The following DNAL4 variants were observed in gnomAD, a reference collection of about 807,000 sequenced individuals.
DNAL4 encodes the protein dynein axonemal light chain 4, also known as dynein light chain, outer arm 4.
DNAL4 carries 10 observed loss-of-function variants against 12.6 expected under a neutral mutation model. That is an observed-to-expected ratio of 0.79 (90% CI 0.49 to 1.34). The LOEUF is 1.34. Ranked by LOEUF, DNAL4 falls within the 40% of genes most tolerant of loss-of-function variation. DNAL4 has a pLI of 0.00. For missense variants in DNAL4, 128 were observed against 138.1 expected, an observed-to-expected ratio of 0.93 and a Z score of 0.37; for synonymous variants, 46 against 53.1, an observed-to-expected ratio of 0.87 and a Z score of 0.58.
intron 1 of DNAL4, among the ~76,000 whole-genome samples, chr22:38,784,776 G>T (rs2093039691): frequency 6.6e-6 from 1 of 152,178 alleles, no homozygotes; most frequent in African/African-American, 2.4e-5. Flanking sequence ...GCCTCCGAAA[G>T]TGCTGGGATT....
chr22:38,785,040 T>C (rs1235621932), intron 1 of DNAL4, among the ~76,000 whole-genome samples: 1 of 147,548 alleles, frequency 6.8e-6, no homozygotes, highest in Non-Finnish European at 1.5e-5. Flanking sequence ...GCTCCACTTA[T>C]CTCATCAATT....
intron 1 of DNAL4, among the ~76,000 whole-genome samples, chr22:38,790,089 G>A (rs2093048299): frequency 6.6e-6 from 1 of 152,106 alleles, no homozygotes; most frequent in South Asian, 2.1e-4. Flanking sequence ...CTGGACTCAA[G>A]TGATGCTCCC....
At position 38,779,526 on chromosome 22, in the gene DNAL4, T is replaced by G; in HGVS notation, c.241A>C (p.Ile81Leu). ...VVIGEGFGFE[I>L]THEVKNLLYL... is the part of the protein sequence containing the mutation. ...AGGAGGTTCTTCACCTCGTGGGTGA[T>G]CTCAAACCCAAAGCCCTCGCCGATC... Residue 81 changes from isoleucine to leucine, a missense_variant, in exon 4 of 4, where the codon ATC becomes CTC. Ile to Leu is a conservative substitution (Grantham distance 5). Coordinates refer to ENST00000216068, the MANE Select transcript of DNAL4 (RefSeq NM_005740.3). The surrounding 1 kb of genome is among the most constrained non-coding windows in gnomAD (Gnocchi z 4.3). The G allele has an allele frequency of 6.3e-7, 1 of 1,585,124 alleles. No homozygotes were observed. Among genetic ancestry groups the G allele is most frequent in the South Asian group, 1.1e-5 (1 of 87,058 alleles).
intron 3 of DNAL4, chr22:38,780,694 G>A (rs756670878): frequency 9.6e-5 from 49 of 512,252 alleles, no homozygotes; most frequent in South Asian, 7.1e-4. Context: ...GGGCAGGGGC[G>A]TCATGGAGAC....
chr22:38,787,791 G>A (rs1290516256), intron 1 of DNAL4, among the ~76,000 whole-genome samples: 1 of 152,188 alleles, frequency 6.6e-6, no homozygotes, highest in Non-Finnish European at 1.5e-5. Context: ...TGGCTATGGT[G>A]TGCCTTCACA....
chr22:38,793,430 G>A lies in DNAL4; in HGVS notation c.-140+638C>T, dbSNP rs201083499. Reference sequence around the variant, plus strand: ...TTTTACATATGCACTGATTAAAAGCGCAGGGAGGGTAGGTCTTGAGACTGG... The same window carrying A: ...TTTTACATATGCACTGATTAAAAGCACAGGGAGGGTAGGTCTTGAGACTGG... On this transcript the variant is annotated intron_variant, in intron 1 of 3. Transcript: ENST00000216068. Among the ~76,000 whole-genome samples, 84 of 152,320 alleles carry A rather than the reference G, an allele frequency of 5.5e-4. 2 individuals are homozygous for A. The South Asian group carries it at 0.017, about 30-fold the overall frequency.
chr22:38,780,712 G>A, intron 3 of DNAL4: 2 of 545,288 alleles, frequency 3.7e-6, no homozygotes, highest in South Asian at 4.5e-5. Flanking sequence ...GACCCCTGTG[G>A]CTTTGCTCCT....
chr22:38,792,435 A>G (rs2093052271), intron 1 of DNAL4, among the ~76,000 whole-genome samples: 1 of 152,126 alleles, frequency 6.6e-6, no homozygotes, highest in African/African-American at 2.4e-5. Context: ...GGTGCCCGCT[A>G]CCACGTCTGG....
Position 38,779,873 on chromosome 22 carries a change from T to C in DNAL4, c.154-260A>G, listed in dbSNP as rs2093031635. On this transcript the variant is annotated intron_variant, in intron 3 of 3. Coordinates refer to ENST00000216068, the MANE Select transcript of DNAL4 (RefSeq NM_005740.3). The surrounding 1 kb of genome is among the most constrained non-coding windows in gnomAD (Gnocchi z 4.3). ...GAGGCGGGAAGGCAAGCATCAGGTC[T>C]GGAGATAGCCTGGGGCTGCGTCCTG... Among the ~76,000 whole-genome samples, 1 of 152,188 alleles carries C rather than the reference T, an allele frequency of 6.6e-6. No individual in the cohort carries two copies. The highest frequency in any genetic ancestry group is 2.1e-4 in the South Asian group (1 of 4,828).
intron 1 of DNAL4, among the ~76,000 whole-genome samples, chr22:38,783,748 C>T (rs2093038021): frequency 6.6e-6 from 1 of 152,176 alleles, no homozygotes; most frequent in Non-Finnish European, 1.5e-5. Flanking sequence ...GGTACAGTCA[C>T]ATCCATCTCA....
Position 38,779,753 on chromosome 22 carries a change from T to G in DNAL4, c.154-140A>C. On this transcript the variant is annotated intron_variant, in intron 3 of 3. Coordinates refer to ENST00000216068, the MANE Select transcript of DNAL4 (RefSeq NM_005740.3). This position sits in a 1 kb window ranked among gnomAD's most constrained non-coding sequence, Gnocchi z 4.3. ...TGTCCTATTTCTCTTGTCCTCCTGC[T>G]TCAAAAAGGGTTTCCACGCAGGCCA... 8.5e-7 allele frequency: 1 copy of G among 1,178,626 alleles called. No homozygotes were observed. The highest frequency in any genetic ancestry group is 1.2e-6 in the Non-Finnish European group (1 of 859,210). The allele number at this position is 1,178,626 out of a possible 1,614,324, so 73.0% of individuals were successfully genotyped here.
chr22:38,786,460 G>C (rs2093042367), intron 1 of DNAL4, among the ~76,000 whole-genome samples: 1 of 152,222 alleles, frequency 6.6e-6, no homozygotes, highest in Non-Finnish European at 1.5e-5. Flanking sequence ...TGGGGAGGCT[G>C]AGGCAGGAGA....
intron 1 of DNAL4, among the ~76,000 whole-genome samples, chr22:38,785,144 G>C (rs1041766939): frequency 2.6e-5 from 4 of 152,130 alleles, no homozygotes; most frequent in Non-Finnish European, 5.9e-5. Context: ...GTACTTTCTG[G>C]TCAGGTTCCT....
chr22:38,786,957 G>C (rs1249449208), intron 1 of DNAL4, among the ~76,000 whole-genome samples: 1 of 152,176 alleles, frequency 6.6e-6, no homozygotes, highest in African/African-American at 2.4e-5. Flanking sequence ...GGAGGGACTG[G>C]GAAAAATGAA....
chr22:38,791,639 G>A (rs1241834076), intron 1 of DNAL4, among the ~76,000 whole-genome samples: 4 of 151,956 alleles, frequency 2.6e-5, no homozygotes, highest in African/African-American at 4.8e-5. Context: ...TGATCTGCCC[G>A]CCTCAGCCTC....
At chr22:38,787,382 C>T (rs1237823911) in intron 1 of DNAL4, among the ~76,000 whole-genome samples, 2 of 152,038 alleles carry the variant, frequency 1.3e-5, no homozygotes, top group African/African-American at 4.8e-5. Flanking sequence ...GCTGGGATTA[C>T]AGGTACGCGC....
In DNAL4 at chr22:38,782,541, G is replaced by A; in HGVS notation, c.69+122C>T. 1 of 918,826 alleles carries A rather than the reference G, an allele frequency of 1.1e-6. No individual in the cohort carries two copies. Among genetic ancestry groups the A allele is most frequent in the South Asian group, 1.5e-5 (1 of 66,342 alleles). 56.9% of individuals were successfully genotyped at this position (918,826 alleles called of 1,614,324 possible). On this transcript the variant is annotated intron_variant, in intron 2 of 3. Transcript: ENST00000216068. The surrounding 1 kb of genome is among the most constrained non-coding windows in gnomAD (Gnocchi z 5.1). The stretch of plus-strand genomic sequence containing the variant: ...TGTCAACTCCAAGATGTCTAGGTCT[G>A]AGCCAGCAGAGCCCTTCTTAACTTC...
intron 1 of DNAL4, among the ~76,000 whole-genome samples, chr22:38,791,544 T>A (rs1048549078): frequency 6.6e-6 from 1 of 151,560 alleles, no homozygotes; most frequent in African/African-American, 2.4e-5. Context: ...ATATTTTGTA[T>A]TTTTAGTATT....
rs574793720 is a variant in DNAL4, at chr22:38,784,489, C to T, written c.-139-1619G>A. 3.0e-4 allele frequency among the ~76,000 whole-genome samples: 46 copies of T among 151,940 alleles called. 2 individuals are homozygous for T. The South Asian group carries it at 9.4e-3, about 31-fold the overall frequency. Reference sequence around the variant, plus strand: ...GACGAATCAAATATTTGCTCTTCCCCTTTGCTGTCTCTTTCACTTTTTTTT... The same window carrying T: ...GACGAATCAAATATTTGCTCTTCCCTTTTGCTGTCTCTTTCACTTTTTTTT... On this transcript the variant is annotated intron_variant, in intron 1 of 3. Coordinates refer to ENST00000216068, the MANE Select transcript of DNAL4 (RefSeq NM_005740.3).
Sources: allele counts gnomAD v4.1 joint callset (sites outside exome capture counted in the v4.1 genomes callset), GRCh38; gene constraint gnomAD v4.1.1; non-coding constraint Gnocchi (gnomAD v3.1); transcripts MANE v1.5; gene names NCBI Gene and HGNC (gene_info 2026-07-23, HGNC 2026-07-21).